The following ABHD12B variants were observed in gnomAD, a reference collection of about 807,000 sequenced individuals.
ABHD12B encodes the protein abhydrolase domain containing 12B.
ABHD12B carries 42 observed loss-of-function variants against 50.4 expected under a neutral mutation model. That is an observed-to-expected ratio of 0.83 (90% confidence interval 0.65 to 1.08). The LOEUF (loss-of-function observed/expected upper bound fraction) is 1.08, where lower values mean the gene tolerates loss of function less well. Among genes scored for constraint, ABHD12B ranks in the 50% least tolerant of loss-of-function variants. ABHD12B has a pLI of 0.00. For synonymous variants in ABHD12B, 167 were observed against 160.3 expected (o/e 1.04, Z -0.32); for missense variants, 479 against 447.7 (o/e 1.07, Z -0.63).
At chr14:50,878,897 G>A (rs781539942) in intron 3 of ABHD12B, 50 bp downstream of exon 3, 11 of 1,492,644 alleles carry the variant, frequency 7.4e-6, no homozygotes, top group Non-Finnish European at 8.4e-6. Flanking sequence ...AGGTGTTCCT[G>A]TTAGGACTCA....
chr14:50,882,483 T>G (rs1211631549), intron 5 of ABHD12B, among the ~76,000 whole-genome samples: 1 of 141,002 alleles, frequency 7.1e-6, no homozygotes, highest in African/African-American at 2.6e-5. Context: ...TTCATGCCAT[T>G]CTTCTGCCTC....
chr14:50,904,587 CCTCA>C lies in ABHD12B; in HGVS notation c.*224_*227del, dbSNP rs1566497196. ...ATCTACTTTGTAAAACATGCTGAAA[CCTCA>C]CTGTGGAGAACCAGAATTTGGTAAA... On this transcript the variant is annotated 3_prime_UTR_variant, in exon 13 of 13. Coordinates refer to ENST00000337334, the MANE Select transcript of ABHD12B (RefSeq NM_001206673.2). 1 of 614,704 alleles carries C rather than the reference CCTCA, an allele frequency of 1.6e-6. No individual in the cohort carries two copies. The highest frequency in any genetic ancestry group is 1.8e-5 in the African/African-American group (1 of 54,188). The allele number at this position is 614,704 out of a possible 1,614,324, so 38.1% of individuals were successfully genotyped here.
chr14:50,890,992 A>G (rs184771769), intron 9 of ABHD12B: 5 of 152,106 alleles, frequency 3.3e-5, no homozygotes, highest in Non-Finnish European at 5.9e-5. Flanking sequence ...TATGGTTGTA[A>G]TTTGCATTTC....
intron 9 of ABHD12B, chr14:50,892,323 C>T: frequency 1.3e-6 from 1 of 782,018 alleles, no homozygotes; most frequent in Non-Finnish European, 1.6e-6. Flanking sequence ...AGGAAAAAAT[C>T]CAAAAGGGAA....
intron 9 of ABHD12B, among the ~76,000 whole-genome samples, chr14:50,896,198 G>A (rs910702228): frequency 3.3e-5 from 5 of 151,928 alleles, no homozygotes; most frequent in Non-Finnish European, 5.9e-5. Context: ...AAAGATTAAA[G>A]CCTGTTATCA....
At chr14:50,894,521 C>A (rs1000182734) in intron 9 of ABHD12B, among the ~76,000 whole-genome samples, 1 of 152,110 alleles carries the variant, frequency 6.6e-6, no homozygotes, top group African/African-American at 2.4e-5. Flanking sequence ...TCAACTCACA[C>A]CTGACCTAAA....
intron 1 of ABHD12B, among the ~76,000 whole-genome samples, chr14:50,872,979 T>C (rs768274149): frequency 6.6e-6 from 1 of 152,252 alleles, no homozygotes. Flanking sequence ...CAACATATTG[T>C]CAGTCTTGTT....
At chr14:50,882,261 G>T (rs2049963693) in intron 5 of ABHD12B, among the ~76,000 whole-genome samples, 1 of 151,822 alleles carries the variant, frequency 6.6e-6, no homozygotes, top group Non-Finnish European at 1.5e-5. Flanking sequence ...TTTCTCTGAG[G>T]GCTGGGGGAT....
chr14:50,900,026 C>A (rs566482925), intron 9 of ABHD12B, among the ~76,000 whole-genome samples: 1 of 151,934 alleles, frequency 6.6e-6, no homozygotes, highest in South Asian at 2.1e-4. Context: ...TGGCTTTGAG[C>A]CCAGGAGTTC....
In ABHD12B at chr14:50,904,456, G is replaced by T. The variant is rs2050305728; in HGVS notation, c.*90G>T. On this transcript the variant is annotated 3_prime_UTR_variant, in exon 13 of 13. Coordinates refer to ENST00000337334, the MANE Select transcript of ABHD12B (RefSeq NM_001206673.2). ...TCTAATGTAAAATTGTACTGGGCTG[G>T]TCGGATGAGCTGAGGCCATTGACTT... The T allele has an allele frequency of 1.9e-6, 3 of 1,553,632 alleles. No individual in the cohort carries two copies. Among genetic ancestry groups the T allele is most frequent in the Non-Finnish European group, 2.6e-6 (3 of 1,132,082 alleles).
chr14:50,876,716 T>G lies in ABHD12B; in HGVS notation c.105-1236T>G, dbSNP rs868852307. On this transcript the variant is annotated intron_variant, in intron 1 of 12. Coordinates refer to ENST00000337334, the MANE Select transcript of ABHD12B (RefSeq NM_001206673.2). ...TGACTTGTGACCTTGGAAAGATTAC[T>G]TAACTTTCCAGTCTCATTTGCAAAG... 3.4e-4 allele frequency among the ~76,000 whole-genome samples: 52 copies of G among 152,348 alleles called. 1 individual carries two copies. Among genetic ancestry groups the G allele is most frequent in the Middle Eastern group, 3.4e-3 (1 of 294 alleles).
At chr14:50,880,615 G>C in intron 4 of ABHD12B, 44 bp downstream of exon 4, 6 of 1,502,592 alleles carry the variant, frequency 4.0e-6, no homozygotes, top group Non-Finnish European at 4.5e-6. Flanking sequence ...GAGATTGAGA[G>C]CATTTCAGCC....
intron 9 of ABHD12B, among the ~76,000 whole-genome samples, chr14:50,900,204 T>G (rs1216805802): frequency 6.6e-6 from 1 of 151,834 alleles, no homozygotes; most frequent in Non-Finnish European, 1.5e-5. Context: ...CTGCACCCAC[T>G]CCCAGTCTAG....
chr14:50,873,589 G>T, intron 1 of ABHD12B, among the ~76,000 whole-genome samples: 1 of 152,184 alleles, frequency 6.6e-6, no homozygotes, highest in East Asian at 1.9e-4. Flanking sequence ...CAGTCACCTA[G>T]AACCCATGCC....
intron 9 of ABHD12B, among the ~76,000 whole-genome samples, chr14:50,898,412 T>C (rs1002131717): frequency 6.6e-6 from 1 of 152,182 alleles, no homozygotes; most frequent in Non-Finnish European, 1.5e-5. Flanking sequence ...CAGTAGATAG[T>C]GTGGCATGCC....
intron 1 of ABHD12B, 112 bp downstream of exon 1, chr14:50,872,390 C>A (rs1455600554): frequency 4.0e-6 from 3 of 754,270 alleles, no homozygotes; most frequent in Non-Finnish European, 5.4e-6. Context: ...CTGGCCCGGG[C>A]CCAAGGCCCA....
rs1566483614 is a variant in ABHD12B, at chr14:50,878,022, T to A, written c.175T>A (p.Ser59Thr). The change falls in exon 2 of 13, where the codon TCC becomes ACC. Residue 59 changes from serine to threonine, a missense_variant. By Grantham distance (58) the Ser-to-Thr change is moderately conservative (BLOSUM62 1). Coordinates refer to ENST00000337334, the MANE Select transcript of ABHD12B (RefSeq NM_001206673.2). ...AALYDSFTSK[S>T]LKEHVFLPLI... ...TCTGTATGACAGCTTTACTAGTAAATCCTTAAAAGAACACGTTTTCCTTCC... is the reference window on the plus strand; with the variant it reads ...TCTGTATGACAGCTTTACTAGTAAAACCTTAAAAGAACACGTTTTCCTTCC... 6.5e-7 allele frequency: 1 copy of A among 1,535,304 alleles called. No individual in the cohort carries two copies. Among genetic ancestry groups the A allele is most frequent in the South Asian group, 1.2e-5 (1 of 83,832 alleles).
chr14:50,898,091 G>C (rs549823911), intron 9 of ABHD12B, among the ~76,000 whole-genome samples: 2 of 152,324 alleles, frequency 1.3e-5, no homozygotes, highest in South Asian at 4.1e-4. Flanking sequence ...TCAGACCCCT[G>C]GCAGGAATGG....
intron 1 of ABHD12B, 22 bp downstream of exon 1, chr14:50,872,300 C>G: frequency 2.4e-6 from 3 of 1,273,880 alleles, no homozygotes; most frequent in Non-Finnish European, 3.0e-6. Flanking sequence ...CCGGTCCACC[C>G]CTGGCCGGGC....
Sources: gnomAD v4.1 joint callset for allele counts (sites outside exome capture counted in the v4.1 genomes callset) on GRCh38, gnomAD v4.1.1 for gene constraint, MANE v1.5 for transcripts, NCBI Gene and HGNC (gene_info 2026-07-23, HGNC 2026-07-21) for gene names.